Variants in RAP1GAP2 observed in about 807,000 individuals in gnomAD.
The protein encoded by RAP1GAP2 is rap1 GTPase-activating protein 2.
A neutral mutation model predicts 95.0 loss-of-function variants in RAP1GAP2; 27 were observed. The ratio of observed to expected loss-of-function variants is 0.28; its 90% confidence interval spans 0.21 to 0.39. The LOEUF (loss-of-function observed/expected upper bound fraction) is 0.39, where lower values mean the gene tolerates loss of function less well. Among genes scored for constraint, RAP1GAP2 ranks in the 10% least tolerant of loss-of-function variants. RAP1GAP2 has a pLI of 1.00. For synonymous variants in RAP1GAP2, 373 were observed against 380.9 expected (o/e 0.98, Z 0.24); for missense variants, 771 against 970.0 (o/e 0.79, Z 2.72).
chr17:2,956,816 T>G (rs1280544109), intron 3 of RAP1GAP2, among the ~76,000 whole-genome samples: 2 of 152,120 alleles, frequency 1.3e-5, no homozygotes, highest in African/African-American at 4.8e-5. Context: ...TTTGGACAAG[T>G]GCAATTGGGA....
At chr17:2,758,140 A>G (rs1293711437) in intron 1 of RAP1GAP2, among the ~76,000 whole-genome samples, 5 of 142,996 alleles carry the variant, frequency 3.5e-5, no homozygotes. Flanking sequence ...AAGTGCTGGG[A>G]TTACAGGCGT....
upstream of RAP1GAP2, chr17:2,796,431 C>T (rs981997140): frequency 1.2e-5 from 17 of 1,392,916 alleles, no homozygotes; most frequent in Non-Finnish European, 1.6e-5. This position sits in a 1 kb window ranked among gnomAD's most constrained non-coding sequence, Gnocchi z 4.7. Context: ...CCCCGCCCTG[C>T]ACCGGCACTG....
chr17:2,884,379 T>TC (rs2073410954), intron 2 of RAP1GAP2, among the ~76,000 whole-genome samples: 1 of 150,202 alleles, frequency 6.7e-6, no homozygotes, highest in Admixed American at 6.6e-5. Context: ...GTTGTTTTTT[T>TC]TTTTTTTTTT....
At chr17:2,898,321 G>A (rs1456325420) in intron 2 of RAP1GAP2, among the ~76,000 whole-genome samples, 1 of 152,148 alleles carries the variant, frequency 6.6e-6, no homozygotes, top group Non-Finnish European at 1.5e-5. Context: ...AGCCCTGCCA[G>A]GTAGGAACAG....
At chr17:2,763,380 CA>C (rs1555538627) in intron 1 of RAP1GAP2, among the ~76,000 whole-genome samples, 2 of 152,120 alleles carry the variant, frequency 1.3e-5, no homozygotes, top group Non-Finnish European at 2.9e-5. Context: ...AACATCCAGG[CA>C]GGCAGAGAAA....
At chr17:2,927,005 C>CAAAAA in intron 3 of RAP1GAP2, among the ~76,000 whole-genome samples, 1 of 54,150 alleles carries the variant, frequency 1.8e-5, no homozygotes, top group Admixed American at 2.2e-4. Context: ...GACTCCATCT[C>CAAAAA]AAAAAAAAAA....
At chr17:2,791,634 C>T (rs2068925787), upstream of RAP1GAP2, among the ~76,000 whole-genome samples, 3 of 152,086 alleles carry the variant, frequency 2.0e-5, no homozygotes, top group South Asian at 6.2e-4. Context: ...AACAGGGCAC[C>T]CTCTCAGAGG....
intron 13 of RAP1GAP2, among the ~76,000 whole-genome samples, chr17:2,996,720 C>T (rs1474115709): frequency 1.3e-5 from 2 of 152,194 alleles, no homozygotes; most frequent in Non-Finnish European, 2.9e-5. Context: ...GGAAATACAC[C>T]TTGGCACAGG....
chr17:2,943,887 C>G (rs189215548), intron 3 of RAP1GAP2, among the ~76,000 whole-genome samples: 1 of 152,134 alleles, frequency 6.6e-6, no homozygotes, highest in Non-Finnish European at 1.5e-5. Flanking sequence ...TGGTGGCTCA[C>G]GCCTGTAATC....
intron 1 of RAP1GAP2, among the ~76,000 whole-genome samples, chr17:2,790,607 C>T (rs1279458626): frequency 6.6e-6 from 1 of 152,154 alleles, no homozygotes; most frequent in Non-Finnish European, 1.5e-5. Context: ...GTACTACTGT[C>T]TGGATGGGGG....
intron 19 of RAP1GAP2, among the ~76,000 whole-genome samples, chr17:3,023,536 A>C (rs139737588): frequency 1.7e-4 from 26 of 152,300 alleles, no homozygotes; most frequent in African/African-American, 5.8e-4. Flanking sequence ...GAAGGATGAA[A>C]AGCTCTGTTT....
Position 2,800,306 on chromosome 17 carries a change from G to A in RAP1GAP2, c.45-209G>A, listed in dbSNP as rs560399834. The A allele has an allele frequency of 5.7e-4, 492 of 869,298 alleles. 1 individual carries two copies. The highest frequency in any genetic ancestry group is 6.4e-4 in the Non-Finnish European group (466 of 724,442). The allele number at this position is 869,298 out of a possible 1,614,324, so 53.8% of individuals were successfully genotyped here. ...TCTGAAATGGGGAGAATAATAATAC[G>A]CATGTTGTAGGGTGGTGTGTGGCCC... On this transcript the variant is annotated intron_variant, in intron 1 of 24. Coordinates refer to ENST00000254695, the MANE Select transcript of RAP1GAP2 (RefSeq NM_015085.5).
intron 12 of RAP1GAP2, among the ~76,000 whole-genome samples, chr17:2,992,743 T>A (rs553500560): frequency 6.6e-6 from 1 of 152,312 alleles, no homozygotes; most frequent in South Asian, 2.1e-4. Flanking sequence ...TCCTTCTCTG[T>A]CCTTCCTTCT....
intron 8 of RAP1GAP2, among the ~76,000 whole-genome samples, chr17:2,975,586 C>T (rs1462378670): frequency 2.0e-5 from 3 of 152,224 alleles, no homozygotes; most frequent in Admixed American, 6.5e-5. Flanking sequence ...TGGTGTAACA[C>T]CCGGGCTCTC....
At chr17:2,843,371 C>T (rs1446460496) in intron 2 of RAP1GAP2, among the ~76,000 whole-genome samples, 1 of 151,718 alleles carries the variant, frequency 6.6e-6, no homozygotes, top group African/African-American at 2.4e-5. Flanking sequence ...CGGCAACCTC[C>T]ACCTCCTGGG....
intron 2 of RAP1GAP2, among the ~76,000 whole-genome samples, chr17:2,877,938 A>G (rs895139708): frequency 3.3e-5 from 5 of 152,022 alleles, no homozygotes; most frequent in African/African-American, 1.2e-4. Context: ...TTGGCTGGGA[A>G]GGTGTCAGTG....
intron 2 of RAP1GAP2, among the ~76,000 whole-genome samples, chr17:2,897,548 T>C (rs1026488544): frequency 1.3e-5 from 2 of 151,804 alleles, no homozygotes; most frequent in African/African-American, 2.4e-5. Flanking sequence ...TGAGTAGAGA[T>C]GGGGTTTCAC....
chr17:2,814,595 C>G (rs919718462), intron 2 of RAP1GAP2, among the ~76,000 whole-genome samples: 7 of 152,144 alleles, frequency 4.6e-5, no homozygotes, highest in African/African-American at 1.7e-4. Flanking sequence ...AGTTCCTCCC[C>G]ACTTGGGGTC....
chr17:2,826,041 T>C (rs1210510716), intron 2 of RAP1GAP2, among the ~76,000 whole-genome samples: 2 of 146,644 alleles, frequency 1.4e-5, no homozygotes, highest in Non-Finnish European at 3.0e-5. Context: ...AGTGCAGTGG[T>C]GCCATCTCGG....
Sources: gnomAD v4.1 joint callset for allele counts (sites outside exome capture counted in the v4.1 genomes callset) on GRCh38, gnomAD v4.1.1 for gene constraint, Gnocchi (gnomAD v3.1) non-coding constraint, MANE v1.5 for transcripts, NCBI Gene and HGNC (gene_info 2026-07-23, HGNC 2026-07-21) for gene names.